EMB: variants seen among roughly 807,000 people sequenced by gnomAD.
The protein encoded by EMB is embigin homolog.
A neutral mutation model predicts 41.4 loss-of-function variants in EMB; 31 were observed. That is an observed-to-expected ratio of 0.75 (90% CI 0.56 to 1.01). The LOEUF is 1.01. Ranked by LOEUF, EMB falls within the 50% of genes least tolerant of loss-of-function variation. The pLI, the probability that EMB is intolerant of heterozygous loss-of-function variation, is 0.00. For synonymous variants in EMB, 137 were observed against 140.4 expected (o/e 0.98, Z 0.17); for missense variants, 379 against 388.3 (o/e 0.98, Z 0.20).
chr5:50,411,794 T>G (rs13185634), intron 2 of EMB: 10,999 of 152,794 alleles, frequency 0.072, 567 homozygotes, highest in Middle Eastern at 0.14. Flanking sequence ...TGTTAGTAGT[T>G]ATTAAGTTTT....
chr5:50,412,532 G>A (rs909292201), intron 2 of EMB, among the ~76,000 whole-genome samples: 12 of 151,904 alleles, frequency 7.9e-5, no homozygotes, highest in African/African-American at 2.7e-4. Flanking sequence ...TACCTAAAGG[G>A]CTCATTTATC....
chr5:50,412,887 T>A (rs1175122682), intron 2 of EMB, among the ~76,000 whole-genome samples: 1 of 149,232 alleles, frequency 6.7e-6, no homozygotes, highest in Non-Finnish European at 1.5e-5. Flanking sequence ...TACAAGCTTT[T>A]TTTTTTTTTA....
chr5:50,403,888 A>G (rs994284502), intron 5 of EMB, among the ~76,000 whole-genome samples: 3 of 151,926 alleles, frequency 2.0e-5, no homozygotes, highest in African/African-American at 7.2e-5. Flanking sequence ...CTATAAAGGA[A>G]AATCGCTCAC....
rs896720851 is a variant in EMB, at chr5:50,402,380, T to A, written c.878-61A>T. 12 of 1,468,796 alleles carry A rather than the reference T, an allele frequency of 8.2e-6. No homozygotes were observed. The Middle Eastern group carries it at 5.2e-4, about 64-fold the overall frequency. The allele number at this position is 1,468,796 out of a possible 1,614,324, so 91.0% of individuals were successfully genotyped here. Reference sequence around the variant, plus strand: ...GTTTGTCACTTTTATGGAACATATATGCTCAATTAAACCTCCTTCCTAAGT... The same window carrying A: ...GTTTGTCACTTTTATGGAACATATAAGCTCAATTAAACCTCCTTCCTAAGT... On this transcript the variant is annotated intron_variant, in intron 6 of 8. Transcript: ENST00000303221.
intron 2 of EMB, among the ~76,000 whole-genome samples, chr5:50,426,938 C>A (rs922935313): frequency 6.6e-6 from 1 of 150,860 alleles, no homozygotes; most frequent in Non-Finnish European, 1.5e-5. Flanking sequence ...AAAGCACCTG[C>A]CCGGGGCTAA....
At chr5:50,431,313 GA>G (rs1215167231) in intron 1 of EMB, among the ~76,000 whole-genome samples, 2 of 152,166 alleles carry the variant, frequency 1.3e-5, no homozygotes, top group African/African-American at 4.8e-5. Flanking sequence ...GTTTAGGCAA[GA>G]TTTTTTTAAC....
At chr5:50,408,466 G>A (rs911651817) in intron 4 of EMB, among the ~76,000 whole-genome samples, 16 of 151,834 alleles carry the variant, frequency 1.1e-4, no homozygotes, top group African/African-American at 3.6e-4. Context: ...TTTGTGCATT[G>A]AACTAATCAG....
intron 2 of EMB, 64 bp downstream of exon 2, chr5:50,428,076 CTTTG>C (rs933126067): frequency 1.8e-6 from 2 of 1,140,830 alleles, no homozygotes; most frequent in Admixed American, 1.9e-5. Context: ...AAAGCAGTAG[CTTTG>C]TTTAAGAAAA....
chr5:50,442,631 A>G (rs1221377391), upstream of EMB, among the ~76,000 whole-genome samples: 2 of 152,190 alleles, frequency 1.3e-5, no homozygotes, highest in African/African-American at 2.4e-5. Context: ...GAAACTTTAA[A>G]AGATGCCTTC....
At chr5:50,419,144 G>A (rs1482269551) in intron 2 of EMB, among the ~76,000 whole-genome samples, 3 of 152,216 alleles carry the variant, frequency 2.0e-5, no homozygotes, top group Non-Finnish European at 4.4e-5. Context: ...AGATCAGCCA[G>A]TCCCTGGCCC....
At chr5:50,419,053 T>A (rs1407832089) in intron 2 of EMB, among the ~76,000 whole-genome samples, 3 of 152,198 alleles carry the variant, frequency 2.0e-5, no homozygotes, top group Non-Finnish European at 4.4e-5. Flanking sequence ...GTAATCATAG[T>A]ACCAGTTCAG....
At chr5:50,417,344 G>C (rs1187438123) in intron 2 of EMB, among the ~76,000 whole-genome samples, 1 of 152,084 alleles carries the variant, frequency 6.6e-6, no homozygotes, top group East Asian at 1.9e-4. Flanking sequence ...TTATGAATAA[G>C]AATAAAATTC....
At chr5:50,422,041 A>G (rs1745533209) in intron 2 of EMB, among the ~76,000 whole-genome samples, 1 of 152,222 alleles carries the variant, frequency 6.6e-6, no homozygotes, top group South Asian at 2.1e-4. Context: ...AACTTAAAGT[A>G]TAATTAAAAA....
upstream of EMB, among the ~76,000 whole-genome samples, chr5:50,442,058 A>G (rs1013475903): frequency 6.6e-6 from 1 of 152,234 alleles, no homozygotes; most frequent in Non-Finnish European, 1.5e-5. Context: ...TCTATATTGT[A>G]ACATTGAAAC....
intron 7 of EMB, among the ~76,000 whole-genome samples, chr5:50,401,052 C>A (rs185164539): frequency 6.6e-6 from 1 of 152,008 alleles, no homozygotes; most frequent in African/African-American, 2.4e-5. Flanking sequence ...AACGCCAATA[C>A]GTGGAAATAG....
At chr5:50,403,807 C>T (rs753534425) in intron 5 of EMB, among the ~76,000 whole-genome samples, 1 of 151,926 alleles carries the variant, frequency 6.6e-6, no homozygotes, top group Non-Finnish European at 1.5e-5. Context: ...CTTTAAAGTA[C>T]TTTTTCCTTC....
intron 1 of EMB, among the ~76,000 whole-genome samples, chr5:50,429,957 C>A (rs1745685284): frequency 6.8e-6 from 1 of 147,996 alleles, no homozygotes; most frequent in Non-Finnish European, 1.5e-5. Context: ...TCTCACCCTC[C>A]CCAACTCTCT....
intron 2 of EMB, among the ~76,000 whole-genome samples, chr5:50,419,783 T>A (rs1745488007): frequency 6.6e-6 from 1 of 152,090 alleles, no homozygotes; most frequent in Non-Finnish European, 1.5e-5. Flanking sequence ...TTAACCCAAA[T>A]GCCCATCAAT....
At chr5:50,433,612 G>A (rs1197347678) in intron 1 of EMB, among the ~76,000 whole-genome samples, 2 of 152,152 alleles carry the variant, frequency 1.3e-5, no homozygotes, top group Non-Finnish European at 2.9e-5. Flanking sequence ...GTTTTGCCCC[G>A]CAGGAGACAT....
Sources: gnomAD v4.1 joint callset for allele counts (sites outside exome capture counted in the v4.1 genomes callset) on GRCh38, gnomAD v4.1.1 for gene constraint, MANE v1.5 for transcripts, NCBI Gene and HGNC (gene_info 2026-07-23, HGNC 2026-07-21) for gene names.